Variants in DLGAP2 observed in about 807,000 individuals in gnomAD.
DLGAP2 encodes disks large-associated protein 2.
Under a neutral mutation model 100.3 loss-of-function variants are expected in DLGAP2, and 26 were observed. That is an observed-to-expected ratio of 0.26 (90% CI 0.19 to 0.36). The LOEUF is 0.36. Ranked by LOEUF, DLGAP2 falls within the 10% of genes least tolerant of loss-of-function variation. The pLI is 1.00. For missense variants in DLGAP2, 1,858 were observed against 1,453.2 expected (o/e 1.28, Z -4.53); for synonymous variants, 886 against 630.1 (o/e 1.41, Z -6.08).
intron 1 of DLGAP2, among the ~76,000 whole-genome samples, chr8:823,117 C>G (rs1394349480): frequency 6.6e-6 from 1 of 152,106 alleles, no homozygotes. Flanking sequence ...TCTTTTACGT[C>G]TCACTTGGTG....
intron 1 of DLGAP2, among the ~76,000 whole-genome samples, chr8:847,158 A>G (rs1797086133): frequency 6.6e-6 from 1 of 152,194 alleles, no homozygotes; most frequent in Non-Finnish European, 1.5e-5. Context: ...AATAACTGTT[A>G]TGGTTATAGG....
chr8:1,356,938 C>T (rs564538990), intron 3 of DLGAP2, among the ~76,000 whole-genome samples: 18 of 152,298 alleles, frequency 1.2e-4, no homozygotes, highest in Admixed American at 2.6e-4. Context: ...CACGTTCATT[C>T]GGCAAACCCG....
chr8:788,023 G>C (rs1000324297), intron 1 of DLGAP2, among the ~76,000 whole-genome samples: 1 of 139,676 alleles, frequency 7.2e-6, no homozygotes, highest in Non-Finnish European at 1.6e-5. Flanking sequence ...GCAGCATGGT[G>C]GCCACAGGGG....
At chr8:1,367,169 G>A (rs1464445837) in intron 3 of DLGAP2, among the ~76,000 whole-genome samples, 1 of 152,202 alleles carries the variant, frequency 6.6e-6, no homozygotes, top group Non-Finnish European at 1.5e-5. Flanking sequence ...TTGAGAAACA[G>A]TTTATCTTAG....
At chr8:1,108,467 G>A (rs1401177776) in intron 2 of DLGAP2, among the ~76,000 whole-genome samples, 2 of 152,008 alleles carry the variant, frequency 1.3e-5, no homozygotes, top group African/African-American at 2.4e-5. Flanking sequence ...TGTGATGTGC[G>A]CTGGGTCTGT....
chr8:1,610,068 A>T, intron 6 of DLGAP2, among the ~76,000 whole-genome samples: 1 of 151,414 alleles, frequency 6.6e-6, no homozygotes, highest in African/African-American at 2.4e-5. Context: ...TCTCCACCCC[A>T]AATCAACAGA....
chr8:1,077,787 T>C (rs7817698), intron 2 of DLGAP2, among the ~76,000 whole-genome samples: 145,523 of 152,316 alleles, frequency 0.96, 69,986 homozygotes, highest in African/African-American at 0.99. Flanking sequence ...TTTATCAAAC[T>C]CCCCTTTTCC....
chr8:1,164,498 A>C (rs1029601512), intron 2 of DLGAP2, among the ~76,000 whole-genome samples: 2 of 151,780 alleles, frequency 1.3e-5, no homozygotes, highest in Non-Finnish European at 2.9e-5. Context: ...GGAGTTAACC[A>C]GGTAACCAGG....
At chr8:1,135,769 C>T (rs1485644377) in intron 2 of DLGAP2, among the ~76,000 whole-genome samples, 2 of 152,034 alleles carry the variant, frequency 1.3e-5, no homozygotes, top group Non-Finnish European at 2.9e-5. Flanking sequence ...CTTTTGTGGA[C>T]AGTATGAGCT....
intron 10 of DLGAP2, among the ~76,000 whole-genome samples, chr8:1,676,300 A>T (rs907899680): frequency 3.3e-5 from 5 of 152,164 alleles, no homozygotes; most frequent in Admixed American, 1.3e-4. Context: ...TAGAAGACCA[A>T]ACTGCAGCCT....
intron 3 of DLGAP2, among the ~76,000 whole-genome samples, chr8:1,350,431 G>A (rs71497182): frequency 1.0e-5 from 1 of 96,572 alleles, no homozygotes; most frequent in Non-Finnish European, 2.1e-5. Flanking sequence ...GGCCGCGCGG[G>A]TCCTGAGTGT....
chr8:747,094 G>A (rs1035097310), intron 1 of DLGAP2, among the ~76,000 whole-genome samples: 4 of 151,982 alleles, frequency 2.6e-5, no homozygotes, highest in Non-Finnish European at 5.9e-5. Flanking sequence ...CCTGGTTCTC[G>A]GGGGGCTGGG....
At position 867,576 on chromosome 8, in the gene DLGAP2, T is replaced by C. The variant is rs371526919; in HGVS notation, c.19-40336T>C. The stretch of plus-strand genomic sequence containing the variant: ...CAGGCTGGACCTGGTGGTAGCACGC[T>C]CTAGGGACATGCACACATCTGAGAA... On this transcript the variant is annotated intron_variant, in intron 1 of 14. Transcript: ENST00000637795. Among the ~76,000 whole-genome samples, 102 of 152,310 alleles carry C rather than the reference T, an allele frequency of 6.7e-4. 2 individuals carry two copies. The South Asian group carries it at 0.015, about 23-fold the overall frequency.
chr8:1,456,727 G>T (rs919036851), intron 3 of DLGAP2, among the ~76,000 whole-genome samples: 21 of 27,352 alleles, frequency 7.7e-4, no homozygotes, highest in African/African-American at 2.4e-3. Flanking sequence ...AACGCTGAAG[G>T]CCCCGGTCGT....
At chr8:1,039,667 CAGCTCGGTGT>C (rs1802255442) in intron 2 of DLGAP2, among the ~76,000 whole-genome samples, 1 of 118,850 alleles carries the variant, frequency 8.4e-6, no homozygotes, top group African/African-American at 3.5e-5. Context: ...TGTGGGTGGT[CAGCTCGGTGT>C]GCGTGGTCAG....
intron 2 of DLGAP2, among the ~76,000 whole-genome samples, chr8:1,049,899 CAT>C (rs1307597203): frequency 4.6e-5 from 7 of 152,332 alleles, no homozygotes; most frequent in Non-Finnish European, 8.8e-5. Context: ...TGTGTACACA[CAT>C]GTGCAGGCAG....
intron 6 of DLGAP2, among the ~76,000 whole-genome samples, chr8:1,595,705 C>G (rs1796435697): frequency 6.7e-6 from 1 of 150,110 alleles, no homozygotes; most frequent in Middle Eastern, 3.5e-3. Context: ...ATAGGTCATT[C>G]CGGAAGCCCC....
chr8:1,082,468 G>A (rs1461083332), intron 2 of DLGAP2, among the ~76,000 whole-genome samples: 1 of 152,192 alleles, frequency 6.6e-6, no homozygotes, highest in Non-Finnish European at 1.5e-5. Context: ...CATTGGGGGT[G>A]CCGTGGCTCT....
chr8:972,775 G>A (rs1265559192), intron 2 of DLGAP2, among the ~76,000 whole-genome samples: 14 of 152,224 alleles, frequency 9.2e-5, no homozygotes, highest in East Asian at 1.9e-4. Flanking sequence ...GGCCTTCCGC[G>A]GTGTTTGTGT....
Sources: allele counts gnomAD v4.1 joint callset (sites outside exome capture counted in the v4.1 genomes callset), GRCh38; gene constraint gnomAD v4.1.1; transcripts MANE v1.5; gene names NCBI Gene and HGNC (gene_info 2026-07-23, HGNC 2026-07-21).